The following COL5A1 variants were observed in gnomAD, a reference collection of about 807,000 sequenced individuals.
COL5A1 encodes collagen alpha-1(V) chain.
In COL5A1, 16 loss-of-function variants were observed where a neutral mutation model predicts 263.7. The observed-to-expected ratio is 0.06, with a 90% CI of 0.04 to 0.09. The LOEUF is 0.09. Among genes scored for constraint, COL5A1 ranks in the 10% least tolerant of loss-of-function variants. The probability of loss-of-function intolerance (pLI) is 1.00; values close to 1 mark genes in which losing one functional copy is unlikely to be tolerated. For missense variants in COL5A1, 2,036 were observed against 2,540.5 expected (o/e 0.80, Z 4.27); for synonymous variants, 1,012 against 1,004.5 (o/e 1.01, Z -0.14).
At chr9:134,655,203 G>A (rs887680613) in intron 1 of COL5A1, among the ~76,000 whole-genome samples, 2 of 151,706 alleles carry the variant, frequency 1.3e-5, no homozygotes, top group African/African-American at 4.9e-5. Flanking sequence ...GTTGTGTTGG[G>A]CCGGGCGTCT....
chr9:134,689,009 G>GTA (rs1383879755), intron 1 of COL5A1, among the ~76,000 whole-genome samples: 1 of 152,156 alleles, frequency 6.6e-6, no homozygotes, highest in Non-Finnish European at 1.5e-5. Flanking sequence ...GTTCCTGTCT[G>GTA]TACCTCCTTG....
At chr9:134,714,551 T>C in intron 4 of COL5A1, among the ~76,000 whole-genome samples, 1 of 120,526 alleles carries the variant, frequency 8.3e-6, no homozygotes, top group Non-Finnish European at 1.8e-5. Flanking sequence ...GTGGTGGAGG[T>C]GATGTGGTGG....
chr9:134,805,116 G>T (rs751984217), intron 40 of COL5A1, 45 bp from the exon 41 acceptor site: 105 of 1,613,674 alleles, frequency 6.5e-5, no homozygotes, highest in Non-Finnish European at 8.4e-5. Flanking sequence ...AGCCCTGGAG[G>T]CCTCTCCCCA....
intron 11 of COL5A1, among the ~76,000 whole-genome samples, chr9:134,745,107 A>T (rs1835463817): frequency 6.6e-6 from 1 of 152,212 alleles, no homozygotes; most frequent in Non-Finnish European, 1.5e-5. Flanking sequence ...ACTGATAGGA[A>T]TCTGTCCAAG....
intron 4 of COL5A1, among the ~76,000 whole-genome samples, chr9:134,711,223 C>G (rs910544026): frequency 2.0e-5 from 3 of 152,050 alleles, no homozygotes; most frequent in Non-Finnish European, 2.9e-5. Flanking sequence ...CTCTGTTTCT[C>G]CCCCGTCTAA....
chr9:134,801,926 C>T lies in COL5A1; in HGVS notation c.2953-28C>T, dbSNP rs369991935. Reference sequence around the variant, plus strand: ...AGGGTGGCGCAGGCCACTGCAGCACCGTCAGTGCAGTGACTCTCTCTTCAC... The same window carrying T: ...AGGGTGGCGCAGGCCACTGCAGCACTGTCAGTGCAGTGACTCTCTCTTCAC... On this transcript the variant is annotated intron_variant, in intron 37 of 65. Coordinates refer to ENST00000371817, the MANE Select transcript of COL5A1 (RefSeq NM_000093.5). 37 of 1,611,356 alleles carry T rather than the reference C, an allele frequency of 2.3e-5. No homozygotes were observed. In the African/African-American group the frequency reaches 2.7e-4, roughly 12 times the overall value.
chr9:134,767,139 G>C, intron 23 of COL5A1, 86 bp downstream of exon 23: 1 of 1,518,038 alleles, frequency 6.6e-7, no homozygotes, highest in Non-Finnish European at 9.1e-7. Context: ...AGGAAGCGGG[G>C]AGCTCTGTCC....
At chr9:134,816,261 C>T (rs1838740221) in intron 52 of COL5A1, among the ~76,000 whole-genome samples, 1 of 152,238 alleles carries the variant, frequency 6.6e-6, no homozygotes, top group Non-Finnish European at 1.5e-5. Flanking sequence ...CCACGACCCA[C>T]CATGGGCTCG....
chr9:134,829,324 G>GCA (rs1839474742), intron 63 of COL5A1, among the ~76,000 whole-genome samples: 2 of 139,588 alleles, frequency 1.4e-5, no homozygotes, highest in African/African-American at 2.8e-5. Flanking sequence ...CTCCTCACAC[G>GCA]GCCTCCAGTC....
At position 134,722,015 on chromosome 9, in the gene COL5A1, C is replaced by T. The variant is rs76091876; in HGVS notation, c.655-5251C>T. On this transcript the variant is annotated intron_variant, in intron 4 of 65. Transcript: ENST00000371817. ...AGCCTGAGCCTTAGCACCTGCGCCTCGGTTTCTCCTTCTCCACGGGGGTGG... is the reference window on the plus strand; with the variant it reads ...AGCCTGAGCCTTAGCACCTGCGCCTTGGTTTCTCCTTCTCCACGGGGGTGG... Among the ~76,000 whole-genome samples, 1,521 of 152,378 alleles carry T rather than the reference C, an allele frequency of 1.0e-2. 12 individuals carry two copies. The highest frequency in any genetic ancestry group is 0.017 in the Non-Finnish European group (1,144 of 68,036).
intron 42 of COL5A1, among the ~76,000 whole-genome samples, chr9:134,807,472 T>C (rs866790713): frequency 7.9e-5 from 12 of 152,292 alleles, no homozygotes; most frequent in South Asian, 2.1e-4. Context: ...TTTGTACTTT[T>C]AGTAGAGATG....
intron 4 of COL5A1, among the ~76,000 whole-genome samples, chr9:134,703,886 G>A (rs7860007): frequency 0.44 from 67,096 of 151,570 alleles, 15,721 homozygotes; most frequent in Admixed American, 0.61. Context: ...TGATCCGCCC[G>A]CCTCGGCCTC....
intron 37 of COL5A1, among the ~76,000 whole-genome samples, chr9:134,801,726 G>T (rs1838121160): frequency 6.7e-6 from 1 of 150,110 alleles, no homozygotes; most frequent in Non-Finnish European, 1.5e-5. Flanking sequence ...GGCAGAGGTT[G>T]CAGTGACCCA....
Position 134,731,638 on chromosome 9 carries a change from C to T in COL5A1, c.1307C>T (p.Ala436Val), listed in dbSNP as rs144269434. 147 of 1,613,752 alleles carry T rather than the reference C, an allele frequency of 9.1e-5. No homozygotes were observed. The highest frequency in any genetic ancestry group is 1.2e-4 in the Non-Finnish European group (136 of 1,179,954). The change falls in exon 8 of 66, where the codon GCG (alanine) becomes GTG (valine). Residue 436 changes from alanine to valine, a missense_variant. By Grantham distance (64) the Ala-to-Val change is moderately conservative (BLOSUM62 0). Coordinates refer to ENST00000371817, the MANE Select transcript of COL5A1 (RefSeq NM_000093.5). ...TCGGAGATCGGGCCGGGAATGCCGG[C>T]GAACCAGGATACCATCTATGAAGGG... is the stretch of plus-strand genomic sequence containing the variant. ...SPSEIGPGMP[A>V]NQDTIYEGIG... is the part of the protein sequence containing the mutation.
chr9:134,826,624 GGCATGTGGATGATGTGTGGGT>G (rs1839274452), intron 63 of COL5A1, among the ~76,000 whole-genome samples: 1 of 130,678 alleles, frequency 7.7e-6, no homozygotes, highest in Non-Finnish European at 1.6e-5. Flanking sequence ...GTGTGTAGAT[GGCATGTGGATGATGTGTGGGT>G]GCATGTGGCT....
Position 134,758,108 on chromosome 9 carries a change from C to A in COL5A1, c.1882-135C>A. 1 of 837,432 alleles carries A rather than the reference C, an allele frequency of 1.2e-6. No homozygotes were observed. 51.9% of individuals were successfully genotyped at this position (837,432 alleles called of 1,614,324 possible). ...GGGGGCCTATGGGGAGAGGGCTGGC[C>A]GATGGGGTTCAGGGTGCATAGATGC... On this transcript the variant is annotated intron_variant, in intron 17 of 65. Coordinates refer to ENST00000371817, the MANE Select transcript of COL5A1 (RefSeq NM_000093.5). The surrounding 1 kb of genome is among the most constrained non-coding windows in gnomAD (Gnocchi z 4.1).
Position 134,754,221 on chromosome 9 carries a change from C to T in COL5A1, c.1774-52C>T, listed in dbSNP as rs1446132528. 18 of 1,590,174 alleles carry T rather than the reference C, an allele frequency of 1.1e-5. No homozygotes were observed. The highest frequency in any genetic ancestry group is 1.1e-4 in the South Asian group (10 of 90,620). On this transcript the variant is annotated intron_variant, in intron 15 of 65. Coordinates refer to ENST00000371817, the MANE Select transcript of COL5A1 (RefSeq NM_000093.5). This position sits in a 1 kb window ranked among gnomAD's most constrained non-coding sequence, Gnocchi z 4.3. ...GCACAGGGACAAGGCTTTGCTCTTT[C>T]TCCTGAGAAAGGCGGACTCGCCACT...
chr9:134,677,914 TG>T lies in COL5A1; in HGVS notation c.110-12993del, dbSNP rs1255724113. ...TTCTGCCTGGCCCTTGTTCCACCGCTGGGGGTCTCAAGATTCTCTGTCGCCC... is the reference window on the plus strand; with the variant it reads ...TTCTGCCTGGCCCTTGTTCCACCGCTGGGGTCTCAAGATTCTCTGTCGCCC... On this transcript the variant is annotated intron_variant, in intron 1 of 65. Coordinates refer to ENST00000371817, the MANE Select transcript of COL5A1 (RefSeq NM_000093.5). This position sits in a 1 kb window ranked among gnomAD's most constrained non-coding sequence, Gnocchi z 4.4. Among the ~76,000 whole-genome samples the T allele has an allele frequency of 1.3e-5, 2 of 152,232 alleles. No homozygotes were observed.
intron 1 of COL5A1, among the ~76,000 whole-genome samples, chr9:134,653,925 G>A (rs1370609363): frequency 3.3e-5 from 5 of 151,108 alleles, no homozygotes; most frequent in Middle Eastern, 3.5e-3. Flanking sequence ...GGGTGTGTAG[G>A]GCTGGTGTAT....
Sources: gnomAD v4.1 joint callset for allele counts (sites outside exome capture counted in the v4.1 genomes callset) on GRCh38, gnomAD v4.1.1 for gene constraint, Gnocchi (gnomAD v3.1) non-coding constraint, MANE v1.5 for transcripts, NCBI Gene and HGNC (gene_info 2026-07-23, HGNC 2026-07-21) for gene names.